TSPAN18: variants seen among roughly 807,000 people sequenced by gnomAD.
TSPAN18 encodes tetraspanin-18.
TSPAN18 carries 14 observed loss-of-function variants against 27.3 expected under a neutral mutation model. That is an observed-to-expected ratio of 0.51 (90% confidence interval 0.34 to 0.80). The LOEUF (loss-of-function observed/expected upper bound fraction) is 0.80, where lower values mean the gene tolerates loss of function less well. TSPAN18 is among the 30% of genes least tolerant of loss of function. The probability of loss-of-function intolerance (pLI) is 0.01; values close to 1 mark genes in which losing one functional copy is unlikely to be tolerated. For missense variants in TSPAN18, 268 were observed against 323.9 expected (o/e 0.83, Z 1.32); for synonymous variants, 143 against 136.5 (o/e 1.05, Z -0.33).
chr11:44,733,409 G>A (rs1854712007), intron 1 of TSPAN18, among the ~76,000 whole-genome samples: 1 of 152,158 alleles, frequency 6.6e-6, no homozygotes, highest in South Asian at 2.1e-4. Flanking sequence ...CCAGAGGGAG[G>A]TGAGTCCACG....
intron 3 of TSPAN18, chr11:44,903,329 G>C: frequency 4.6e-6 from 2 of 435,212 alleles, no homozygotes; most frequent in Non-Finnish European, 9.3e-6. Flanking sequence ...CATGAGCAGA[G>C]GCACCAAGTA....
At chr11:44,807,427 C>T (rs113128012) in intron 2 of TSPAN18, among the ~76,000 whole-genome samples, 19,290 of 143,060 alleles carry the variant, frequency 0.13, 1,662 homozygotes, top group Non-Finnish European at 0.19. Context: ...ACTTGGGAGG[C>T]TGAGGCAGGA....
At chr11:44,916,980 G>A (rs1343084917) in intron 5 of TSPAN18, among the ~76,000 whole-genome samples, 1 of 152,232 alleles carries the variant, frequency 6.6e-6, no homozygotes, top group Non-Finnish European at 1.5e-5. Context: ...CAATGACCAG[G>A]GCCGGTGATG....
At chr11:44,828,566 G>A (rs1364940711) in intron 2 of TSPAN18, among the ~76,000 whole-genome samples, 2 of 152,164 alleles carry the variant, frequency 1.3e-5, no homozygotes, top group Non-Finnish European at 2.9e-5. Flanking sequence ...AGGTGAGCCC[G>A]CTTCTGTGGC....
chr11:44,819,078 C>G (rs1315027789), intron 2 of TSPAN18, among the ~76,000 whole-genome samples: 3 of 152,178 alleles, frequency 2.0e-5, no homozygotes, highest in Non-Finnish European at 4.4e-5. Context: ...GCCACGGACG[C>G]GCCTGGTGTG....
At chr11:44,738,342 C>T (rs570387896) in intron 1 of TSPAN18, among the ~76,000 whole-genome samples, 6 of 152,290 alleles carry the variant, frequency 3.9e-5, no homozygotes, top group South Asian at 2.1e-4. Context: ...ACAGTGGGAA[C>T]GCTGGAGCCC....
At chr11:44,863,642 C>G (rs1163935158) in intron 3 of TSPAN18, among the ~76,000 whole-genome samples, 1 of 152,212 alleles carries the variant, frequency 6.6e-6, no homozygotes, top group Non-Finnish European at 1.5e-5. Flanking sequence ...TGGGTCCCTG[C>G]TGCACTACTG....
chr11:44,798,584 A>G (rs1027528859), intron 2 of TSPAN18, among the ~76,000 whole-genome samples: 7 of 152,118 alleles, frequency 4.6e-5, no homozygotes, highest in Admixed American at 2.0e-4. Flanking sequence ...TGGTGTTTGC[A>G]TTGCTAGCTT....
chr11:44,817,071 A>G (rs1424992145), intron 2 of TSPAN18, among the ~76,000 whole-genome samples: 2 of 152,164 alleles, frequency 1.3e-5, no homozygotes, highest in African/African-American at 2.4e-5. Context: ...GTGAGGCTGG[A>G]GGCGAGGAGC....
At chr11:44,848,233 C>T (rs1458603288) in intron 2 of TSPAN18, among the ~76,000 whole-genome samples, 1 of 152,074 alleles carries the variant, frequency 6.6e-6, no homozygotes, top group Non-Finnish European at 1.5e-5. Context: ...CTGACCTTGC[C>T]CCTGCCCTGA....
intron 2 of TSPAN18, among the ~76,000 whole-genome samples, chr11:44,832,922 A>G (rs964481295): frequency 2.6e-5 from 4 of 151,954 alleles, no homozygotes; most frequent in Non-Finnish European, 4.4e-5. Flanking sequence ...CTTGCCAACA[A>G]TGCTCCCTGG....
rs142377376 is a variant in TSPAN18, at chr11:44,734,545, G to A, written c.-240+7258G>A. On this transcript the variant is annotated intron_variant, in intron 1 of 9. Coordinates refer to ENST00000520358, the MANE Select transcript of TSPAN18 (RefSeq NM_130783.5). ...AAGAGCTGCCCTTGGCAAGGGAACAGTGCCTGGGGAGATGCTAGAAGTGGG... is the reference window on the plus strand; with the variant it reads ...AAGAGCTGCCCTTGGCAAGGGAACAATGCCTGGGGAGATGCTAGAAGTGGG... Among the ~76,000 whole-genome samples, 23 of 152,368 alleles carry A rather than the reference G, an allele frequency of 1.5e-4. No individual in the cohort carries two copies. The East Asian group carries it at 3.9e-3, about 26-fold the overall frequency.
intron 2 of TSPAN18, among the ~76,000 whole-genome samples, chr11:44,830,806 C>A (rs941439379): frequency 6.6e-6 from 1 of 152,158 alleles, no homozygotes; most frequent in African/African-American, 2.4e-5. Flanking sequence ...TCAGCACACA[C>A]CCTGTCTAAA....
At chr11:44,906,874 G>A (rs1455177801) in intron 4 of TSPAN18, among the ~76,000 whole-genome samples, 1 of 152,122 alleles carries the variant, frequency 6.6e-6, no homozygotes, top group East Asian at 1.9e-4. Context: ...AGACCTGGAG[G>A]GGCCGAGTCC....
chr11:44,919,531 A>G, intron 7 of TSPAN18: 1 of 615,306 alleles, frequency 1.6e-6, no homozygotes, highest in Non-Finnish European at 2.9e-6. Flanking sequence ...TGGGTCCCCA[A>G]GCAATGGTCA....
chr11:44,767,447 G>C (rs1345962704), intron 2 of TSPAN18, among the ~76,000 whole-genome samples: 2 of 152,218 alleles, frequency 1.3e-5, no homozygotes, highest in Admixed American at 6.5e-5. Flanking sequence ...TCTGCATCTA[G>C]AGGTGCCCTC....
chr11:44,794,565 G>A (rs1772158256), intron 2 of TSPAN18, among the ~76,000 whole-genome samples: 1 of 152,124 alleles, frequency 6.6e-6, no homozygotes, highest in African/African-American at 2.4e-5. Context: ...CTTCTTGGGA[G>A]GCTGAGGCAT....
chr11:44,733,284 T>C (rs1854708807), intron 1 of TSPAN18, among the ~76,000 whole-genome samples: 1 of 152,242 alleles, frequency 6.6e-6, no homozygotes, highest in Non-Finnish European at 1.5e-5. Flanking sequence ...TGCTGGTTGT[T>C]AACACATAGA....
chr11:44,805,180 A>G (rs879605761), intron 2 of TSPAN18, among the ~76,000 whole-genome samples: 3 of 152,198 alleles, frequency 2.0e-5, no homozygotes, highest in African/African-American at 7.2e-5. Context: ...GGTCATTTTC[A>G]TAAAGACAAA....
Sources: gnomAD v4.1 joint callset for allele counts (sites outside exome capture counted in the v4.1 genomes callset) on GRCh38, gnomAD v4.1.1 for gene constraint, MANE v1.5 for transcripts, NCBI Gene and HGNC (gene_info 2026-07-23, HGNC 2026-07-21) for gene names.